The following DIS3L2 variants were observed in gnomAD, a reference collection of about 807,000 sequenced individuals.
DIS3L2 encodes the protein DIS3 like 3'-5' exoribonuclease 2, also known as DIS3-like exonuclease 2.
DIS3L2 carries 34 observed loss-of-function variants against 97.5 expected under a neutral mutation model. The ratio of observed to expected loss-of-function variants is 0.35; its 90% CI spans 0.27 to 0.46. DIS3L2 has a LOEUF of 0.46. DIS3L2 is among the 20% of genes least tolerant of loss of function. The pLI, the probability that DIS3L2 is intolerant of heterozygous loss-of-function variation, is 1.00. For synonymous variants in DIS3L2, 435 were observed against 445.2 expected (o/e 0.98, Z 0.29); for missense variants, 1,038 against 1,146.0 (o/e 0.91, Z 1.36).
At chr2:232,116,898 C>A (rs1473102381) in intron 6 of DIS3L2, among the ~76,000 whole-genome samples, 1 of 152,186 alleles carries the variant, frequency 6.6e-6, no homozygotes, top group Non-Finnish European at 1.5e-5. Flanking sequence ...GAATATGCCA[C>A]CCCTGTTCCT....
At chr2:232,331,656 G>C (rs1191313408) in intron 16 of DIS3L2, 2 of 152,232 alleles carry the variant, frequency 1.3e-5, no homozygotes, top group Non-Finnish European at 1.5e-5. Context: ...GGCTCTCTCT[G>C]TTCTACACTG....
At chr2:232,163,430 C>T (rs1690712405) in intron 8 of DIS3L2, 29 bp from the exon 9 acceptor site, 2 of 1,600,846 alleles carry the variant, frequency 1.2e-6, no homozygotes, top group South Asian at 1.1e-5. Context: ...TTTGCTAACC[C>T]AGTTATTCCG....
chr2:232,316,198 T>C (rs1033538592), intron 14 of DIS3L2, among the ~76,000 whole-genome samples: 45 of 152,226 alleles, frequency 3.0e-4, no homozygotes, highest in Non-Finnish European at 4.9e-4. Flanking sequence ...CAGCACAGCC[T>C]TTGTTGTTCT....
rs780625125 is a variant in DIS3L2 at position 232,334,417 on chromosome 2, C to T, written c.2207C>T (p.Ala736Val). 2.5e-5 allele frequency: 40 copies of T among 1,613,782 alleles called. No homozygotes were observed. In the Middle Eastern group the frequency reaches 1.8e-3, roughly 73 times the overall value. Reference protein sequence around the residue: ...DMAPDTLQKQADHCNDRRMAS... With the variant: ...DMAPDTLQKQVDHCNDRRMAS... Reference sequence around the variant, plus strand: ...GCGCCCGATACCCTGCAGAAACAGGCGGACCACTGTAACGACCGCCGCATG... The same window carrying T: ...GCGCCCGATACCCTGCAGAAACAGGTGGACCACTGTAACGACCGCCGCATG... Residue 736 changes from alanine to valine, a missense_variant, in exon 18 of 21, where the codon GCG becomes GTG. This residue lies in a region of DIS3L2 where 221 missense variants were observed against 246.9 expected (regional missense o/e 0.90). Transcript: ENST00000325385.
At chr2:232,326,344 C>T (rs1695573087) in intron 14 of DIS3L2, among the ~76,000 whole-genome samples, 1 of 152,084 alleles carries the variant, frequency 6.6e-6, no homozygotes, top group African/African-American at 2.4e-5. Context: ...GTGCCAGGTC[C>T]CATTTGCAAT....
At chr2:232,226,409 G>A (rs989470858) in intron 10 of DIS3L2, among the ~76,000 whole-genome samples, 16 of 152,208 alleles carry the variant, frequency 1.1e-4, no homozygotes, top group African/African-American at 3.6e-4. Context: ...CTCTGAGTCT[G>A]AATGTCTTCA....
intron 5 of DIS3L2, among the ~76,000 whole-genome samples, chr2:232,051,889 C>G (rs1011555217): frequency 1.5e-4 from 22 of 149,394 alleles, no homozygotes; most frequent in African/African-American, 5.1e-4. Flanking sequence ...CAAGTCAGCT[C>G]TGCTGGATGT....
At chr2:232,128,968 C>T (rs187828285) in intron 6 of DIS3L2, among the ~76,000 whole-genome samples, 1 of 152,168 alleles carries the variant, frequency 6.6e-6, no homozygotes, top group Non-Finnish European at 1.5e-5. Context: ...GAATATAGAA[C>T]CTGAAAAGGT....
Position 232,325,035 on chromosome 2 carries a change from A to G in DIS3L2, c.1740-4778A>G, listed in dbSNP as rs1052889947. 6.6e-6 allele frequency among the ~76,000 whole-genome samples: 1 copy of G among 152,254 alleles called. No homozygotes were observed. Among genetic ancestry groups the G allele is most frequent in the Non-Finnish European group, 1.5e-5 (1 of 68,044 alleles). On this transcript the variant is annotated intron_variant, in intron 14 of 20. Coordinates refer to ENST00000325385, the MANE Select transcript of DIS3L2 (RefSeq NM_152383.5). The surrounding 1 kb of genome is among the most constrained non-coding windows in gnomAD (Gnocchi z 4.6). ...CCCAGCCCCAGCCTTTCAGCTGAGC[A>G]GAGAAATACTCAGATCCAGTTCCTC...
intron 5 of DIS3L2, among the ~76,000 whole-genome samples, chr2:232,039,998 G>A (rs1008381630): frequency 3.3e-5 from 5 of 152,118 alleles, no homozygotes; most frequent in African/African-American, 7.2e-5. Context: ...CAGGCTTTGC[G>A]CTTAAGGAGT....
At chr2:232,182,784 C>T (rs114404631) in intron 9 of DIS3L2, among the ~76,000 whole-genome samples, 2,120 of 152,282 alleles carry the variant, frequency 0.014, 53 homozygotes, top group African/African-American at 0.044. Flanking sequence ...TGCATACACA[C>T]ACAGGCACAC....
At chr2:231,962,212 A>G (rs1411818166) in intron 1 of DIS3L2, among the ~76,000 whole-genome samples, 1 of 151,626 alleles carries the variant, frequency 6.6e-6, no homozygotes, top group Non-Finnish European at 1.5e-5. Flanking sequence ...TAATTATAAC[A>G]TGTCCTTGAC....
chr2:231,998,847 A>T (rs1448108880), intron 1 of DIS3L2, among the ~76,000 whole-genome samples: 1 of 152,190 alleles, frequency 6.6e-6, no homozygotes, highest in Non-Finnish European at 1.5e-5. Flanking sequence ...GTCTATCAGT[A>T]GGAACTTATG....
intron 1 of DIS3L2, among the ~76,000 whole-genome samples, chr2:231,991,294 A>T (rs756280074): frequency 1.3e-5 from 2 of 152,058 alleles, no homozygotes; most frequent in Non-Finnish European, 2.9e-5. Flanking sequence ...TTTTTTAGAG[A>T]CAGGGTCTAA....
rs191474148 is a variant in DIS3L2, at chr2:231,967,403, C to T, written c.-94+5638C>T. Among the ~76,000 whole-genome samples the T allele has an allele frequency of 2.1e-3, 326 of 152,246 alleles. 2 individuals carry two copies. The highest frequency in any genetic ancestry group is 7.6e-3 in the African/African-American group (314 of 41,552). ...AGATGCTGAGGGATTCAGAGAGAAGCCCCAAACATTTCTGTTTAACTTCAT... is the reference window on the plus strand; with the variant it reads ...AGATGCTGAGGGATTCAGAGAGAAGTCCCAAACATTTCTGTTTAACTTCAT... On this transcript the variant is annotated intron_variant, in intron 1 of 20. Coordinates refer to ENST00000325385, the MANE Select transcript of DIS3L2 (RefSeq NM_152383.5).
intron 9 of DIS3L2, among the ~76,000 whole-genome samples, chr2:232,175,765 G>A (rs907537645): frequency 1.3e-5 from 2 of 151,980 alleles, no homozygotes; most frequent in African/African-American, 4.8e-5. Flanking sequence ...ATCTGGCCCT[G>A]TGCTTTTGTG....
chr2:232,095,554 T>C (rs565977964), intron 6 of DIS3L2, among the ~76,000 whole-genome samples: 1 of 152,328 alleles, frequency 6.6e-6, no homozygotes, highest in Non-Finnish European at 1.5e-5. Context: ...TTTAATTGGT[T>C]TATCTTTTAA....
chr2:232,036,397 GT>G (rs1426872757), intron 5 of DIS3L2, among the ~76,000 whole-genome samples: 6 of 152,050 alleles, frequency 3.9e-5, no homozygotes, highest in Non-Finnish European at 8.8e-5. Flanking sequence ...CTCTAAACTG[GT>G]TATTCTAGTG....
At chr2:232,251,440 G>T (rs1299093389) in intron 12 of DIS3L2, among the ~76,000 whole-genome samples, 1 of 152,132 alleles carries the variant, frequency 6.6e-6, no homozygotes, top group Admixed American at 6.5e-5. Context: ...CCCAAGAAGA[G>T]ACAGAAAAGA....
Sources: gnomAD v4.1 joint callset for allele counts (sites outside exome capture counted in the v4.1 genomes callset) on GRCh38, gnomAD v4.1.1 for gene constraint, gnomAD v4.1.1 regional missense constraint, Gnocchi (gnomAD v3.1) non-coding constraint, MANE v1.5 for transcripts, NCBI Gene and HGNC (gene_info 2026-07-23, HGNC 2026-07-21) for gene names.